The following ZNF525 variants were observed in gnomAD, a reference collection of about 807,000 sequenced individuals.
The protein encoded by ZNF525 is zinc finger protein 525.
ZNF525 carries 33 observed loss-of-function variants against 37.6 expected under a neutral mutation model. The ratio of observed to expected loss-of-function variants is 0.88; its 90% CI spans 0.67 to 1.17. The LOEUF (loss-of-function observed/expected upper bound fraction) is 1.17, where lower values mean the gene tolerates loss of function less well. Ranked by LOEUF, ZNF525 falls within the 50% of genes most tolerant of loss-of-function variation. The pLI is 0.00. For missense variants in ZNF525, 449 were observed against 543.1 expected (o/e 0.83, Z 1.72); for synonymous variants, 170 against 182.3 (o/e 0.93, Z 0.54).
In ZNF525 at chr19:53,381,685, A is replaced by G; in HGVS notation, c.1106A>G (p.Asn369Ser). The change falls in exon 4 of 4, where the codon AAC becomes AGC. Residue 369 changes from asparagine (N) to serine (S), a missense_variant. Around this residue, in one of 2 missense-constraint regions of ZNF525, gnomAD observed 178 missense variants for 161.5 expected, o/e 1.10. Coordinates refer to ENST00000474037, the MANE Select transcript of ZNF525 (RefSeq NM_001348156.2). Reference protein sequence around the residue: ...ECDKAFSFKSNLESHRITHTG... With the variant: ...ECDKAFSFKSSLESHRITHTG... ...GACAAAGCTTTCAGTTTCAAATCAAACCTTGAAAGTCATAGGATAACTCAT... is the reference window on the plus strand; with the variant it reads ...GACAAAGCTTTCAGTTTCAAATCAAGCCTTGAAAGTCATAGGATAACTCAT... 2 of 1,121,396 alleles carry G rather than the reference A, an allele frequency of 1.8e-6. No homozygotes were observed. Among genetic ancestry groups the G allele is most frequent in the Non-Finnish European group, 2.7e-6 (2 of 729,994 alleles). 69.5% of individuals were successfully genotyped at this position (1,121,396 alleles called of 1,614,324 possible). A position where few individuals can be genotyped will look rare whatever the true frequency, so the allele number is the denominator to read the frequency against.
chr19:53,383,775 A>C lies in ZNF525; in HGVS notation c.*1756A>C. 1 of 531,020 alleles carries C rather than the reference A, an allele frequency of 1.9e-6. No homozygotes were observed. 32.9% of individuals were successfully genotyped at this position (531,020 alleles called of 1,614,324 possible). ...GGCAAATTTTTCAGACATCGTTCAT[A>C]CATTGCCGTTCATTGGCGAACTCAT... On this transcript the variant is annotated 3_prime_UTR_variant, in exon 4 of 4. Coordinates refer to ENST00000474037, the MANE Select transcript of ZNF525 (RefSeq NM_001348156.2).
intron 3 of ZNF525, among the ~76,000 whole-genome samples, chr19:53,376,927 G>A (rs1600020743): frequency 6.6e-6 from 1 of 152,112 alleles, no homozygotes; most frequent in East Asian, 1.9e-4. Context: ...CTGAGATTGT[G>A]CCATGCACTC....
chr19:53,369,933 C>T (rs1270033168), intron 1 of ZNF525, among the ~76,000 whole-genome samples: 9 of 146,398 alleles, frequency 6.1e-5, no homozygotes, highest in Non-Finnish European at 1.4e-4. Context: ...ACCGTGTTAG[C>T]CAGGATGGTC....
chr19:53,371,263 A>G (rs1343901461), intron 1 of ZNF525, among the ~76,000 whole-genome samples: 4 of 145,042 alleles, frequency 2.8e-5, no homozygotes, highest in Non-Finnish European at 6.0e-5. Context: ...CAGTCTCATG[A>G]TCTTGGCTCA....
chr19:53,373,380 C>T (rs564552313), intron 2 of ZNF525, among the ~76,000 whole-genome samples: 2 of 152,110 alleles, frequency 1.3e-5, no homozygotes, highest in South Asian at 4.2e-4. Flanking sequence ...AGGCATGAGC[C>T]ACCATGCCCA....
rs891836293 is a variant in ZNF525, at chr19:53,383,132, C to T, written c.*1113C>T. The T allele has an allele frequency of 1.1e-5, 14 of 1,323,948 alleles. No homozygotes were observed. Among genetic ancestry groups the T allele is most frequent in the African/African-American group, 2.9e-5 (2 of 68,624 alleles). The allele number at this position is 1,323,948 out of a possible 1,614,324, so 82.0% of individuals were successfully genotyped here. On this transcript the variant is annotated 3_prime_UTR_variant, in exon 4 of 4. Transcript: ENST00000474037. ...ACACCTTGCACGTCATCATAGAACT[C>T]ATACTGGAGAGAAACATTACAAGTG...
At position 53,382,491 on chromosome 19, in the gene ZNF525, A is replaced by C; in HGVS notation, c.*472A>C. On this transcript the variant is annotated 3_prime_UTR_variant, in exon 4 of 4. Transcript: ENST00000474037. ...TACTGGAAATAAATCTTATAAGTGT[A>C]ATGAGTGTGGCAAGACCTTCAGTAA... is the stretch of plus-strand genomic sequence containing the variant. 1.4e-6 allele frequency: 1 copy of C among 707,168 alleles called. No individual in the cohort carries two copies. Among genetic ancestry groups the C allele is most frequent in the East Asian group, 3.0e-5 (1 of 33,580 alleles). 43.8% of individuals were successfully genotyped at this position (707,168 alleles called of 1,614,324 possible).
In ZNF525 at chr19:53,384,414, TATTA is replaced by T. The variant is rs1368336111; in HGVS notation, c.*2399_*2402del. ...CATTGGGTTATATAATCATTTAACA[TATTA>T]ATTTTTCCAAACCATCAATATGGGT... On this transcript the variant is annotated 3_prime_UTR_variant, in exon 4 of 4. Transcript: ENST00000474037. 2 of 157,144 alleles carry T rather than the reference TATTA, an allele frequency of 1.3e-5. No individual in the cohort carries two copies. Among genetic ancestry groups the T allele is most frequent in the Non-Finnish European group, 2.8e-5 (2 of 71,132 alleles). The allele number at this position is 157,144 out of a possible 1,614,324, so 9.7% of individuals were successfully genotyped here.
chr19:53,366,990 T>G (rs975294228), intron 1 of ZNF525, among the ~76,000 whole-genome samples: 2 of 152,196 alleles, frequency 1.3e-5, no homozygotes, highest in East Asian at 3.8e-4. Context: ...GGGTTTTTTT[T>G]GCTTTCAGAA....
rs566169919 is a variant in ZNF525, at chr19:53,380,815, G to A, written c.236G>A (p.Arg79His). The A allele has an allele frequency of 3.1e-5, 45 of 1,428,694 alleles. No individual in the cohort carries two copies. Among genetic ancestry groups the A allele is most frequent in the African/African-American group, 1.1e-4 (8 of 71,314 alleles). The allele number at this position is 1,428,694 out of a possible 1,614,324, so 88.5% of individuals were successfully genotyped here. The change falls in exon 4 of 4, where the codon CGT becomes CAT. Residue 79 changes from arginine (R) to histidine (H), a missense_variant. This residue lies in a region of ZNF525 where 271 missense variants were observed against 381.6 expected (regional missense o/e 0.71). Coordinates refer to ENST00000474037, the MANE Select transcript of ZNF525 (RefSeq NM_001348156.2). The part of the protein sequence containing the change: ...IHTGTLQRHE[R>H]HHIGDFSFQE... The stretch of plus-strand genomic sequence containing the variant: ...ACAGGGACATTGCAAAGACATGAAC[G>A]TCATCACATTGGAGATTTTTCCTTC...
At chr19:53,369,853 T>C (rs1431416979) in intron 1 of ZNF525, among the ~76,000 whole-genome samples, 4 of 127,332 alleles carry the variant, frequency 3.1e-5, no homozygotes, top group Non-Finnish European at 6.7e-5. Flanking sequence ...GCCTCCCCAG[T>C]AGCTGGGACT....
intron 3 of ZNF525, among the ~76,000 whole-genome samples, chr19:53,378,726 G>A (rs1388420007): frequency 2.6e-5 from 4 of 152,060 alleles, no homozygotes; most frequent in South Asian, 2.1e-4. Context: ...AACAGGCAAC[G>A]AGCTCTTTAA....
At chr19:53,380,476 G>A (rs994114098) in intron 3 of ZNF525, among the ~76,000 whole-genome samples, 1 of 152,084 alleles carries the variant, frequency 6.6e-6, no homozygotes, top group Non-Finnish European at 1.5e-5. Context: ...TTTGCAAACT[G>A]TTAGACACTT....
chr19:53,379,920 T>G (rs990925672), intron 3 of ZNF525, among the ~76,000 whole-genome samples: 2 of 152,142 alleles, frequency 1.3e-5, no homozygotes, highest in Non-Finnish European at 2.9e-5. Context: ...GAGAATGGCT[T>G]GAACCCAAAA....
intron 3 of ZNF525, among the ~76,000 whole-genome samples, chr19:53,377,553 TTTC>T (rs2085531013): frequency 6.8e-6 from 1 of 147,772 alleles, no homozygotes; most frequent in South Asian, 2.2e-4. Context: ...GCTTCTTTCA[TTTC>T]TTTTTTTTTT....
intron 3 of ZNF525, among the ~76,000 whole-genome samples, chr19:53,380,326 G>C: frequency 6.6e-6 from 1 of 151,900 alleles, no homozygotes; most frequent in Non-Finnish European, 1.5e-5. Flanking sequence ...CATTGATTTT[G>C]GTTATCCTTA....
chr19:53,373,440 G>A (rs370585082), intron 2 of ZNF525, among the ~76,000 whole-genome samples: 32 of 152,164 alleles, frequency 2.1e-4, no homozygotes, highest in African/African-American at 7.7e-4. Flanking sequence ...AACATCACAT[G>A]ATGAATATAT....
intron 3 of ZNF525, among the ~76,000 whole-genome samples, chr19:53,376,690 TGTGCCCCA>T (rs2085524865): frequency 6.6e-6 from 1 of 152,152 alleles, no homozygotes; most frequent in African/African-American, 2.4e-5. Context: ...AAACAATTCT[TGTGCCCCA>T]GTGGCTCATG....
In ZNF525 at chr19:53,386,233, A is replaced by T; in HGVS notation, c.*4214A>T. 1.5e-6 allele frequency: 1 copy of T among 651,308 alleles called. No individual in the cohort carries two copies. The highest frequency in any genetic ancestry group is 2.9e-6 in the Non-Finnish European group (1 of 345,032). The allele number at this position is 651,308 out of a possible 1,614,324, so 40.3% of individuals were successfully genotyped here. A position where few individuals can be genotyped will look rare whatever the true frequency, so the allele number is the denominator to read the frequency against. Reference sequence around the variant, plus strand: ...TGTGTGCTTGACTCTGCTTCTTGCCACATCTTCTCAGAAGACTTTCAGGAT... The same window carrying T: ...TGTGTGCTTGACTCTGCTTCTTGCCTCATCTTCTCAGAAGACTTTCAGGAT... On this transcript the variant is annotated 3_prime_UTR_variant, in exon 4 of 4. Coordinates refer to ENST00000474037, the MANE Select transcript of ZNF525 (RefSeq NM_001348156.2).
Sources: allele counts gnomAD v4.1 joint callset (sites outside exome capture counted in the v4.1 genomes callset), GRCh38; gene constraint gnomAD v4.1.1; regional missense constraint gnomAD v4.1.1; transcripts MANE v1.5; gene names NCBI Gene and HGNC (gene_info 2026-07-23, HGNC 2026-07-21).